NGLY1: variants seen among roughly 807,000 people sequenced by gnomAD.
The protein encoded by NGLY1 is N-glycanase 1.
A neutral mutation model predicts 84.6 loss-of-function variants in NGLY1; 68 were observed. The ratio of observed to expected loss-of-function variants is 0.80; its 90% CI spans 0.66 to 0.98. The LOEUF is 0.98. Among genes scored for constraint, NGLY1 ranks in the 50% least tolerant of loss-of-function variants. NGLY1 has a pLI of 0.00. For missense variants in NGLY1, 779 were observed against 770.2 expected, an observed-to-expected ratio of 1.01 and a Z score of -0.14; for synonymous variants, 280 against 275.2, an observed-to-expected ratio of 1.02 and a Z score of -0.17.
At chr3:25,745,645 C>A (rs868427990) in intron 4 of NGLY1, among the ~76,000 whole-genome samples, 16 of 152,154 alleles carry the variant, frequency 1.1e-4, no homozygotes, top group African/African-American at 1.4e-4. Flanking sequence ...CTTTCACATC[C>A]ATCTTCTCCC....
At chr3:25,734,870 A>C (rs1705735631) in intron 7 of NGLY1, 1 of 899,232 alleles carries the variant, frequency 1.1e-6, no homozygotes, top group African/African-American at 1.8e-5. Context: ...TTATCTGCAA[A>C]GCTGATTCCA....
intron 3 of NGLY1, among the ~76,000 whole-genome samples, chr3:25,760,224 G>A (rs544420788): frequency 6.6e-6 from 1 of 152,098 alleles, no homozygotes; most frequent in Admixed American, 6.5e-5. Flanking sequence ...TGGTTAAGAT[G>A]TTTGTGTATG....
Position 25,737,450 on chromosome 3 carries a change from T to C in NGLY1, c.887A>G (p.Asn296Ser). 1.3e-6 allele frequency: 2 copies of C among 1,589,760 alleles called. No individual in the cohort carries two copies. The highest frequency in any genetic ancestry group is 1.7e-6 in the Non-Finnish European group (2 of 1,171,086). ...CQFSNRFPRY[N>S]NPEKLLETRC... ...TGTTTCCAAAAGTTTCTCAGGGTTATTATATCTGGTTTAAAAAGAAAAAAA... is the reference window on the plus strand; with the variant it reads ...TGTTTCCAAAAGTTTCTCAGGGTTACTATATCTGGTTTAAAAAGAAAAAAA... The change falls in exon 6 of 12, where the codon AAT (asparagine) becomes AGT (serine). Residue 296 changes from asparagine to serine, a missense_variant. Physicochemically the swap from Asn to Ser is conservative, Grantham distance 46. Coordinates refer to ENST00000280700, the MANE Select transcript of NGLY1 (RefSeq NM_018297.4).
At chr3:25,767,128 C>T (rs1175443241) in intron 2 of NGLY1, among the ~76,000 whole-genome samples, 2 of 151,914 alleles carry the variant, frequency 1.3e-5, no homozygotes, top group East Asian at 1.9e-4. Context: ...CCTGTCTCTA[C>T]TAAAAATACA....
intron 2 of NGLY1, among the ~76,000 whole-genome samples, chr3:25,769,870 A>G (rs1707811255): frequency 1.3e-5 from 2 of 151,900 alleles, no homozygotes; most frequent in Non-Finnish European, 1.5e-5. Flanking sequence ...CTTTAGTGGT[A>G]ATTTCTGAGG....
At chr3:25,726,105 A>T (rs1705243798) in intron 10 of NGLY1, among the ~76,000 whole-genome samples, 1 of 151,658 alleles carries the variant, frequency 6.6e-6, no homozygotes, top group Non-Finnish European at 1.5e-5. Context: ...GACTGTAGTG[A>T]CAAAGAGAGG....
chr3:25,722,556 T>TA (rs1036371476), intron 10 of NGLY1, among the ~76,000 whole-genome samples: 54 of 152,298 alleles, frequency 3.5e-4, no homozygotes, highest in African/African-American at 1.3e-3. Flanking sequence ...ATCAGTGAGT[T>TA]AGAGATTATG....
intron 2 of NGLY1, among the ~76,000 whole-genome samples, chr3:25,771,738 T>A (rs1226342936): frequency 1.3e-5 from 2 of 152,192 alleles, no homozygotes; most frequent in African/African-American, 2.4e-5. Flanking sequence ...CTTATAGAGG[T>A]CTTTCATGTG....
At chr3:25,775,349 C>A (rs987911929) in intron 2 of NGLY1, among the ~76,000 whole-genome samples, 2 of 152,174 alleles carry the variant, frequency 1.3e-5, no homozygotes, top group African/African-American at 2.4e-5. Flanking sequence ...ATGTTTACTG[C>A]AGCACTATTC....
At chr3:25,739,896 A>C in intron 4 of NGLY1, 97 bp from the exon 5 acceptor site, 1 of 907,836 alleles carries the variant, frequency 1.1e-6, no homozygotes, top group East Asian at 2.6e-5. Flanking sequence ...AAAAATATGA[A>C]AACATAAGAT....
At chr3:25,758,855 C>T (rs769736342) in intron 3 of NGLY1, among the ~76,000 whole-genome samples, 9 of 152,038 alleles carry the variant, frequency 5.9e-5, no homozygotes, top group Non-Finnish European at 1.3e-4. Flanking sequence ...CATGGAGGAC[C>T]AGGGATATTT....
intron 3 of NGLY1, among the ~76,000 whole-genome samples, chr3:25,763,204 T>G (rs1046938620): frequency 6.6e-6 from 1 of 152,202 alleles, no homozygotes; most frequent in Non-Finnish European, 1.5e-5. Context: ...GCCAGGACAC[T>G]AACAAAATAC....
In NGLY1 at chr3:25,764,251, C is replaced by T; in HGVS notation, c.307G>A (p.Asp103Asn). ...ASVEQLQKIRDLIAIERSSRL... is the reference protein window; with the variant it reads ...ASVEQLQKIRNLIAIERSSRL... ...CTACTTCTCTCTATGGCAATCAGGTCACGAATTTTTTGCAGCTGCTCCACT... is the reference window on the plus strand; with the variant it reads ...CTACTTCTCTCTATGGCAATCAGGTTACGAATTTTTTGCAGCTGCTCCACT... Residue 103 changes from aspartate (D) to asparagine (N), a missense_variant, in exon 3 of 12, where the codon GAC becomes AAC. Asp to Asn is a conservative substitution (Grantham distance 23). Transcript: ENST00000280700. The T allele has an allele frequency of 6.2e-7, 1 of 1,614,010 alleles. No individual in the cohort carries two copies.
chr3:25,768,720 T>A (rs986694332), intron 2 of NGLY1, among the ~76,000 whole-genome samples: 5 of 151,964 alleles, frequency 3.3e-5, no homozygotes, highest in Admixed American at 2.6e-4. Context: ...TAATTTTTTG[T>A]ATTTTTAGTA....
intron 3 of NGLY1, among the ~76,000 whole-genome samples, chr3:25,753,197 C>A (rs9875681): frequency 1.6e-3 from 240 of 152,110 alleles, no homozygotes; most frequent in African/African-American, 5.6e-3. Flanking sequence ...AAACATTACA[C>A]GCAAAGAAAA....
Position 25,783,320 on chromosome 3 carries a change from G to T in NGLY1, c.71C>A (p.Thr24Asn). The T allele has an allele frequency of 6.2e-7, 1 of 1,602,326 alleles. No individual in the cohort carries two copies. Among genetic ancestry groups the T allele is most frequent in the East Asian group, 2.3e-5 (1 of 44,112 alleles). The change falls in exon 1 of 12, where the codon ACC (threonine) becomes AAC (asparagine). Residue 24 changes from threonine (T) to asparagine (N), a missense_variant. Transcript: ENST00000280700. This position sits in a 1 kb window ranked among gnomAD's most constrained non-coding sequence, Gnocchi z 4.5. ...SPAVAELCQN[T>N]PETFLEASKL... ...GGAGGCCTCCAAAAAGGTCTCCGGGGTGTTCTGGCAGAGCTCAGCCACGGC... is the reference window on the plus strand; with the variant it reads ...GGAGGCCTCCAAAAAGGTCTCCGGGTTGTTCTGGCAGAGCTCAGCCACGGC...
chr3:25,747,370 A>G (rs1706489068), intron 4 of NGLY1, among the ~76,000 whole-genome samples: 1 of 152,210 alleles, frequency 6.6e-6, no homozygotes, highest in Non-Finnish European at 1.5e-5. Context: ...AAAAACTGTT[A>G]ATACAAGAAG....
Position 25,764,078 on chromosome 3 carries a change from T to C in NGLY1, c.480A>G (p.Pro160=), listed in dbSNP as rs1030850752. Residue 160 remains proline (P), a synonymous_variant, in exon 3 of 12, where the codon CCA becomes CCG. Coordinates refer to ENST00000280700, the MANE Select transcript of NGLY1 (RefSeq NM_018297.4). ...ATTCTAACATTACCGTTGAAGCAGA[T>C]GGTGGATCTGATGACTGCCCTTGAC... ...RNRQGQSSDP[P]SASTVAADSA... The C allele has an allele frequency of 5.6e-6, 9 of 1,614,034 alleles. No individual in the cohort carries two copies. Among genetic ancestry groups the C allele is most frequent in the African/African-American group, 1.3e-5 (1 of 74,926 alleles).
At chr3:25,726,075 C>T (rs559724893) in intron 10 of NGLY1, among the ~76,000 whole-genome samples, 3 of 151,900 alleles carry the variant, frequency 2.0e-5, no homozygotes, top group African/African-American at 7.3e-5. Flanking sequence ...CGCCCCCTCA[C>T]CCCGCCAAAA....
Sources: gnomAD v4.1 joint callset for allele counts (sites outside exome capture counted in the v4.1 genomes callset) on GRCh38, gnomAD v4.1.1 for gene constraint, Gnocchi (gnomAD v3.1) non-coding constraint, MANE v1.5 for transcripts, NCBI Gene and HGNC (gene_info 2026-07-23, HGNC 2026-07-21) for gene names.